Variants in NOS1 observed in about 807,000 individuals in gnomAD.
NOS1 encodes the protein NOS type I.
A neutral mutation model predicts 164.5 loss-of-function variants in NOS1; 51 were observed. The ratio of observed to expected loss-of-function variants is 0.31; its 90% CI spans 0.25 to 0.39. The LOEUF (loss-of-function observed/expected upper bound fraction) is 0.39, where lower values mean the gene tolerates loss of function less well. Ranked by LOEUF, NOS1 falls within the 10% of genes least tolerant of loss-of-function variation. The pLI, the probability that NOS1 is intolerant of heterozygous loss-of-function variation, is 1.00. For missense variants in NOS1, 1,362 were observed against 1,885.6 expected, an observed-to-expected ratio of 0.72 and a Z score of 5.14; for synonymous variants, 719 against 745.8, an observed-to-expected ratio of 0.96 and a Z score of 0.59.
chr12:117,230,893 T>G (rs1258556654), intron 22 of NOS1, among the ~76,000 whole-genome samples: 1 of 152,102 alleles, frequency 6.6e-6, no homozygotes, highest in African/African-American at 2.4e-5. Context: ...CATTCATTTG[T>G]GGGAGCTAAA....
chr12:117,298,344 C>T (rs535870674), intron 3 of NOS1, among the ~76,000 whole-genome samples: 4 of 152,096 alleles, frequency 2.6e-5, no homozygotes, highest in Non-Finnish European at 5.9e-5. Context: ...GTAATGCGAG[C>T]GATGGGGGCA....
At position 117,229,562 on chromosome 12, in the gene NOS1, TTCTATCTATCTA is replaced by T. The variant is rs58234141; in HGVS notation, c.3406-1933_3406-1922del. Among the ~76,000 whole-genome samples, 223 of 149,396 alleles carry T rather than the reference TTCTATCTATCTA, an allele frequency of 1.5e-3. 3 individuals are homozygous for T. Among genetic ancestry groups the T allele is most frequent in the Admixed American group, 6.6e-3 (99 of 14,928 alleles). ...AATACATATGGGTTATATCAAATTCTTCTATCTATCTATCTATCTATCTATCTATCTATCTAT... is the reference window on the plus strand; with the variant it reads ...AATACATATGGGTTATATCAAATTCTTCTATCTATCTATCTATCTATCTAT... On this transcript the variant is annotated intron_variant, in intron 22 of 28. Coordinates refer to ENST00000317775, the MANE Select transcript of NOS1 (RefSeq NM_000620.5).
At chr12:117,357,680 C>T (rs1393310280) in intron 1 of NOS1, among the ~76,000 whole-genome samples, 2 of 152,166 alleles carry the variant, frequency 1.3e-5, no homozygotes, top group East Asian at 1.9e-4. Context: ...TTTCCAGTCT[C>T]CCCCAGGAAT....
rs374866819 is a variant in NOS1, at chr12:117,285,350, C to A, written c.1291-18G>T. On this transcript the variant is annotated intron_variant, in intron 6 of 28. Coordinates refer to ENST00000317775, the MANE Select transcript of NOS1 (RefSeq NM_000620.5). ...TCGAATACCTGGAAGAGGCACAGGGCGGAACTGATTGCCTCTTCTTTCCCT... is the reference window on the plus strand; with the variant it reads ...TCGAATACCTGGAAGAGGCACAGGGAGGAACTGATTGCCTCTTCTTTCCCT... The A allele has an allele frequency of 1.3e-6, 2 of 1,569,978 alleles. No individual in the cohort carries two copies. The highest frequency in any genetic ancestry group is 1.7e-6 in the Non-Finnish European group (2 of 1,145,092).
intron 1 of NOS1, among the ~76,000 whole-genome samples, chr12:117,355,403 G>A (rs1234084864): frequency 6.6e-6 from 1 of 152,212 alleles, no homozygotes; most frequent in Non-Finnish European, 1.5e-5. Flanking sequence ...TAAGGCAGAA[G>A]ATGTTAAAGC....
At chr12:117,235,459 A>G (rs539543033) in intron 20 of NOS1, among the ~76,000 whole-genome samples, 2 of 152,206 alleles carry the variant, frequency 1.3e-5, no homozygotes, top group South Asian at 2.1e-4. Flanking sequence ...GTGAAATTCT[A>G]TATCTCCTAG....
At position 117,272,589 on chromosome 12, in the gene NOS1, C is replaced by T. The variant is rs764083568; in HGVS notation, c.1665-30G>A. Reference sequence around the variant, plus strand: ...AGGGAGCAACAGGGCCCAGCTCACCCGGAGCAGGTGTCTCATGGGCGGGAC... The same window carrying T: ...AGGGAGCAACAGGGCCCAGCTCACCTGGAGCAGGTGTCTCATGGGCGGGAC... On this transcript the variant is annotated intron_variant, in intron 9 of 28. Transcript: ENST00000317775. This position sits in a 1 kb window ranked among gnomAD's most constrained non-coding sequence, Gnocchi z 4.3. The T allele has an allele frequency of 1.4e-5, 22 of 1,602,212 alleles. No homozygotes were observed. Among genetic ancestry groups the T allele is most frequent in the South Asian group, 8.9e-5 (8 of 90,190 alleles).
At chr12:117,288,710 C>T (rs1566060527) in intron 4 of NOS1, among the ~76,000 whole-genome samples, 1 of 152,198 alleles carries the variant, frequency 6.6e-6, no homozygotes, top group South Asian at 2.1e-4. Context: ...TGGTTTTGAC[C>T]CTTAGGATGT....
intron 22 of NOS1, 39 bp from the exon 23 acceptor site, chr12:117,227,680 G>A (rs1868825815): frequency 6.2e-7 from 1 of 1,600,442 alleles, no homozygotes; most frequent in Non-Finnish European, 8.6e-7. Flanking sequence ...CTTGAACCCA[G>A]CTGCCACATA....
intron 22 of NOS1, among the ~76,000 whole-genome samples, chr12:117,230,076 C>T (rs112949118): frequency 8.5e-5 from 13 of 152,250 alleles, no homozygotes; most frequent in East Asian, 1.9e-4. Flanking sequence ...TGTGCCATGA[C>T]GCCCAGCTAA....
chr12:117,236,451 C>T (rs994191995), intron 20 of NOS1, among the ~76,000 whole-genome samples: 1 of 152,136 alleles, frequency 6.6e-6, no homozygotes, highest in African/African-American at 2.4e-5. Flanking sequence ...CATCCCCGCC[C>T]TTAGCATAGT....
chr12:117,288,592 C>T (rs9658341), intron 4 of NOS1, among the ~76,000 whole-genome samples: 4,071 of 152,208 alleles, frequency 0.027, 191 homozygotes, highest in African/African-American at 0.093. Context: ...GATTGCAAAA[C>T]AGGACCCTAA....
rs972899824 is a variant in NOS1 at position 117,212,316 on chromosome 12, G to C, written c.*2993C>G. Reference sequence around the variant, plus strand: ...TCAAGTGAGCCGCCCACAGCCATCTGCACCAACAGGGGCAGAATTAGGATT... The same window carrying C: ...TCAAGTGAGCCGCCCACAGCCATCTCCACCAACAGGGGCAGAATTAGGATT... On this transcript the variant is annotated 3_prime_UTR_variant, in exon 29 of 29. Transcript: ENST00000317775. 6.1e-6 allele frequency: 6 copies of C among 985,264 alleles called. No homozygotes were observed. In the African/African-American group the frequency reaches 8.7e-5, roughly 14 times the overall value. 61.0% of individuals were successfully genotyped at this position (985,264 alleles called of 1,614,324 possible). A position where few individuals can be genotyped will look rare whatever the true frequency, so the allele number is the denominator to read the frequency against.
At chr12:117,270,806 C>T (rs28607014) in intron 10 of NOS1, among the ~76,000 whole-genome samples, 48,254 of 151,720 alleles carry the variant, frequency 0.32, 8,041 homozygotes, top group Middle Eastern at 0.4. Context: ...GAGGCCAAGG[C>T]GGGTGGATCA....
At chr12:117,294,804 G>A (rs1289786766) in intron 3 of NOS1, among the ~76,000 whole-genome samples, 1 of 152,172 alleles carries the variant, frequency 6.6e-6, no homozygotes, top group Non-Finnish European at 1.5e-5. Flanking sequence ...TTAGGTGGGA[G>A]GAGACATTGG....
intron 25 of NOS1, among the ~76,000 whole-genome samples, chr12:117,224,239 T>C (rs1566025990): frequency 6.6e-6 from 1 of 152,218 alleles, no homozygotes; most frequent in African/African-American, 2.4e-5. Context: ...TCCAATAGTG[T>C]TTGGCACTCA....
intron 1 of NOS1, among the ~76,000 whole-genome samples, chr12:117,351,613 G>T (rs765887263): frequency 6.6e-6 from 1 of 152,174 alleles, no homozygotes; most frequent in Non-Finnish European, 1.5e-5. Context: ...ATAGTCAAGG[G>T]CATGACATGT....
intron 1 of NOS1, among the ~76,000 whole-genome samples, chr12:117,352,000 G>A (rs1269836209): frequency 1.3e-5 from 2 of 152,104 alleles, no homozygotes; most frequent in Non-Finnish European, 2.9e-5. Flanking sequence ...GGGCAACATG[G>A]TGAGACCCCG....
chr12:117,342,067 G>C (rs1032734771), intron 1 of NOS1, among the ~76,000 whole-genome samples: 1 of 152,146 alleles, frequency 6.6e-6, no homozygotes, highest in Admixed American at 6.5e-5. Flanking sequence ...ATTAAAATAA[G>C]ATGGCACATA....
Sources: allele counts gnomAD v4.1 joint callset (sites outside exome capture counted in the v4.1 genomes callset), GRCh38; gene constraint gnomAD v4.1.1; non-coding constraint Gnocchi (gnomAD v3.1); transcripts MANE v1.5; gene names NCBI Gene and HGNC (gene_info 2026-07-23, HGNC 2026-07-21).